REPS2: variants seen among roughly 807,000 people sequenced by gnomAD.
REPS2 encodes the protein ralBP1-associated Eps domain-containing protein 2.
Under a neutral mutation model 53.6 loss-of-function variants are expected in REPS2, and 23 were observed. That is an observed-to-expected ratio of 0.43 (90% CI 0.31 to 0.61). REPS2 has a LOEUF of 0.61. REPS2 is among the 20% of genes least tolerant of loss of function. The probability of loss-of-function intolerance (pLI) is 0.11; values close to 1 mark genes in which losing one functional copy is unlikely to be tolerated. For missense variants in REPS2, 446 were observed against 534.9 expected, an observed-to-expected ratio of 0.83 and a Z score of 1.64; for synonymous variants, 238 against 218.6, an observed-to-expected ratio of 1.09 and a Z score of -0.78.
At chrX:17,159,194 C>T in the REPS2 span, among the ~76,000 whole-genome samples, 1 of 111,744 alleles carries the variant, frequency 8.9e-6, no homozygotes, top group Non-Finnish European at 1.9e-5. Context: ...TCTCAGCCTC[C>T]CCAGATGATA....
chrX:17,064,842 C>T (rs926473601), intron 9 of REPS2, among the ~76,000 whole-genome samples: 1 of 112,012 alleles, frequency 8.9e-6, no homozygotes, highest in Non-Finnish European at 1.9e-5. Context: ...TCTAGATTTG[C>T]CTATTCTGGA....
chrX:17,050,201 T>TC (rs1315384425), intron 6 of REPS2, among the ~76,000 whole-genome samples: 2 of 75,177 alleles, frequency 2.7e-5, no homozygotes, highest in Admixed American at 2.0e-4. Flanking sequence ...TTTCTTTTTT[T>TC]TTTTTTTTTG....
intron 14 of REPS2, among the ~76,000 whole-genome samples, chrX:17,132,891 G>A (rs1201952949): frequency 3.6e-5 from 4 of 112,245 alleles, no homozygotes; most frequent in Non-Finnish European, 7.5e-5. Context: ...CAACAATGAC[G>A]TGTTCCGTGT....
the REPS2 span, among the ~76,000 whole-genome samples, chrX:17,191,274 A>G: frequency 8.9e-6 from 1 of 112,139 alleles, no homozygotes; most frequent in Non-Finnish European, 1.9e-5. Context: ...AAAAATGGGC[A>G]AATGATTTGA....
intron 14 of REPS2, among the ~76,000 whole-genome samples, chrX:17,132,298 T>C (rs746142429): frequency 1.8e-5 from 2 of 112,139 alleles, no homozygotes; most frequent in East Asian, 2.8e-4. Flanking sequence ...TAACCAGTTA[T>C]TGGGGGCCAG....
chrX:16,983,514 T>C (rs1241788906), intron 1 of REPS2, among the ~76,000 whole-genome samples: 1 of 112,317 alleles, frequency 8.9e-6, no homozygotes, highest in African/African-American at 3.2e-5. Context: ...TTGTTTTGTT[T>C]TGTTTTGAGA....
the REPS2 span, among the ~76,000 whole-genome samples, chrX:17,162,704 C>T: frequency 8.9e-6 from 1 of 112,675 alleles, no homozygotes; most frequent in South Asian, 3.6e-4. Context: ...CTAACATGCA[C>T]AGAGAACCCC....
chrX:17,106,694 A>G (rs1329729265), intron 14 of REPS2, among the ~76,000 whole-genome samples: 6 of 111,598 alleles, frequency 5.4e-5, no homozygotes, highest in Non-Finnish European at 1.1e-4. Context: ...GATTACAGGC[A>G]TGAGCCACCA....
intron 1 of REPS2, among the ~76,000 whole-genome samples, chrX:16,973,682 G>A (rs1195443059): frequency 9.0e-6 from 1 of 111,447 alleles, no homozygotes; most frequent in East Asian, 2.8e-4. Context: ...AAATAGGGAT[G>A]CAAGAATAGT....
chrX:17,044,679 CTCTT>C (rs1032572333), intron 5 of REPS2, among the ~76,000 whole-genome samples: 12 of 111,745 alleles, frequency 1.1e-4, no homozygotes, highest in African/African-American at 3.9e-4. Flanking sequence ...TTTGCTCCAG[CTCTT>C]TCTGTCAGGG....
At chrX:16,961,046 A>G (rs893478675) in intron 1 of REPS2, among the ~76,000 whole-genome samples, 4 of 112,076 alleles carry the variant, frequency 3.6e-5, no homozygotes, top group Non-Finnish European at 7.5e-5. Context: ...TACAGGTTCA[A>G]TGCAATCCCT....
chrX:17,016,828 C>G (rs1452955620), intron 2 of REPS2, among the ~76,000 whole-genome samples: 1 of 98,147 alleles, frequency 1.0e-5, no homozygotes, highest in East Asian at 3.1e-4. Flanking sequence ...AAATAGGCAG[C>G]AGACTGGATT....
chrX:17,067,272 G>A (rs1367501853), intron 9 of REPS2, among the ~76,000 whole-genome samples: 1 of 111,654 alleles, frequency 9.0e-6, no homozygotes, highest in East Asian at 2.8e-4. Context: ...AGGCATTAGA[G>A]TGCATATTCT....
chrX:17,093,200 A>ATATATATATATATATAT (rs61196590), intron 13 of REPS2, among the ~76,000 whole-genome samples: 198 of 15,087 alleles, frequency 0.013, no homozygotes, highest in South Asian at 0.017. Flanking sequence ...ATATATATAT[A>ATATATATATATATATAT]ATTTTTTTTT....
chrX:17,190,254 A>G, the REPS2 span, among the ~76,000 whole-genome samples: 8 of 112,406 alleles, frequency 7.1e-5, no homozygotes, highest in Non-Finnish European at 3.8e-5. Context: ...AATCTACAAG[A>G]AAACTCCTAG....
the REPS2 span, among the ~76,000 whole-genome samples, chrX:17,176,659 T>G: frequency 8.9e-6 from 1 of 112,398 alleles, no homozygotes; most frequent in Non-Finnish European, 1.9e-5. Context: ...AATTGATAAT[T>G]ACCTTCTACC....
intron 1 of REPS2, among the ~76,000 whole-genome samples, chrX:16,976,685 C>T (rs1172796800): frequency 2.7e-5 from 3 of 111,478 alleles, no homozygotes. Flanking sequence ...CAGTGTTCTT[C>T]AAGAACTCAC....
intron 2 of REPS2, among the ~76,000 whole-genome samples, chrX:17,010,304 T>C (rs2061412872): frequency 8.9e-6 from 1 of 112,397 alleles, no homozygotes. Context: ...GATGAAAGTA[T>C]TTGCATTGCC....
chrX:17,047,542 A>G lies in REPS2; in HGVS notation c.907+60A>G, dbSNP rs2061925373. ...CAGAACATAGCCACCATCTTGAGAAATCATTCACGCAAAATGAGTATGGCA... is the reference window on the plus strand; with the variant it reads ...CAGAACATAGCCACCATCTTGAGAAGTCATTCACGCAAAATGAGTATGGCA... On this transcript the variant is annotated intron_variant, in intron 6 of 17. Coordinates refer to ENST00000357277, the MANE Select transcript of REPS2 (RefSeq NM_004726.3). 1.5e-5 allele frequency: 17 copies of G among 1,145,725 alleles called. No individual in the cohort carries two copies. In the South Asian group the frequency reaches 2.9e-4, roughly 20 times the overall value. The allele number at this position is 1,145,725 out of a possible 1,213,427, so 94.4% of individuals were successfully genotyped here.
Sources: allele counts gnomAD v4.1 joint callset (sites outside exome capture counted in the v4.1 genomes callset), GRCh38; gene constraint gnomAD v4.1.1; transcripts MANE v1.5; gene names NCBI Gene and HGNC (gene_info 2026-07-23, HGNC 2026-07-21).